The following PTPN9 variants were observed in gnomAD, a reference collection of about 807,000 sequenced individuals.
PTPN9 encodes the protein protein tyrosine phosphatase non-receptor type 9.
A neutral mutation model predicts 69.8 loss-of-function variants in PTPN9; 26 were observed. The ratio of observed to expected loss-of-function variants is 0.37; its 90% confidence interval spans 0.27 to 0.52. The LOEUF is 0.52. Ranked by LOEUF, PTPN9 falls within the 20% of genes least tolerant of loss-of-function variation. PTPN9 has a pLI of 0.91. For missense variants in PTPN9, 549 were observed against 740.3 expected, an observed-to-expected ratio of 0.74 and a Z score of 3.00; for synonymous variants, 274 against 272.5, an observed-to-expected ratio of 1.01 and a Z score of -0.05.
chr15:75,578,820 G>T lies in PTPN9; in HGVS notation c.-44C>A. ...GGGCGGACAAAACTCGCTCGCGAGC[G>T]CGGGAGCCCGGCGCGCTCGGCCTCC... is the stretch of plus-strand genomic sequence containing the variant. On this transcript the variant is annotated 5_prime_UTR_variant, in exon 1 of 13. Coordinates refer to ENST00000618819, the MANE Select transcript of PTPN9 (RefSeq NM_002833.4). 8.4e-7 allele frequency: 1 copy of T among 1,184,670 alleles called. No homozygotes were observed. Among genetic ancestry groups the T allele is most frequent in the Non-Finnish European group, 1.0e-6 (1 of 953,692 alleles). 73.4% of individuals were successfully genotyped at this position (1,184,670 alleles called of 1,614,324 possible).
At chr15:75,550,260 G>T (rs1487359362) in intron 1 of PTPN9, among the ~76,000 whole-genome samples, 1 of 148,394 alleles carries the variant, frequency 6.7e-6, no homozygotes, top group African/African-American at 2.5e-5. Flanking sequence ...CCACCTCCCG[G>T]ATTCAAGCGA....
At chr15:75,486,849 A>T (rs564737104) in intron 8 of PTPN9, among the ~76,000 whole-genome samples, 1 of 137,266 alleles carries the variant, frequency 7.3e-6, no homozygotes, top group Admixed American at 8.3e-5. Context: ...CACTGGTGCG[A>T]TCTCGGCTTA....
chr15:75,544,901 C>G (rs1387370091), intron 1 of PTPN9, among the ~76,000 whole-genome samples: 3 of 152,070 alleles, frequency 2.0e-5, no homozygotes, highest in Admixed American at 2.0e-4. Flanking sequence ...AGTTGGCTTT[C>G]CAGATCATGC....
At chr15:75,566,605 G>C (rs1292272977) in intron 1 of PTPN9, among the ~76,000 whole-genome samples, 1 of 152,048 alleles carries the variant, frequency 6.6e-6, no homozygotes, top group African/African-American at 2.4e-5. Context: ...CTTGAAGCCA[G>C]GAGGCGGAGG....
In PTPN9 at chr15:75,578,732, C is replaced by G; in HGVS notation, c.45G>C (p.Leu15=). The change falls in exon 1 of 13, where the codon CTG becomes CTC. Residue 15 remains leucine (L), a synonymous_variant. Coordinates refer to ENST00000618819, the MANE Select transcript of PTPN9 (RefSeq NM_002833.4). ...CGCTTACCTGCTCCTCCTCCGGGGT[C>G]AGCTCCGGCGCCATGTCGGGCCGGG... ...TAPRPDMAPE[L]TPEEEQATKQ... 7.4e-7 allele frequency: 1 copy of G among 1,360,486 alleles called. No homozygotes were observed. Among genetic ancestry groups the G allele is most frequent in the Non-Finnish European group, 9.5e-7 (1 of 1,054,212 alleles). The allele number at this position is 1,360,486 out of a possible 1,614,324, so 84.3% of individuals were successfully genotyped here. A position where few individuals can be genotyped will look rare whatever the true frequency, so the allele number is the denominator to read the frequency against.
chr15:75,536,258 AGTT>A (rs1214684269), intron 1 of PTPN9, among the ~76,000 whole-genome samples: 7 of 152,202 alleles, frequency 4.6e-5, no homozygotes, highest in South Asian at 2.1e-4. Context: ...TCAGTACAGT[AGTT>A]GTTGAGAAGA....
Position 75,548,635 on chromosome 15 carries a change from T to G in PTPN9, c.64-21374A>C, listed in dbSNP as rs190878516. ...TTTAATTTTTGTTTTTGTTTTTTCC[T>G]TTAGAGACAAGGGGAAATTTTTTTT... On this transcript the variant is annotated intron_variant, in intron 1 of 12. Coordinates refer to ENST00000618819, the MANE Select transcript of PTPN9 (RefSeq NM_002833.4). Among the ~76,000 whole-genome samples, 15 of 151,532 alleles carry G rather than the reference T, an allele frequency of 9.9e-5. No individual in the cohort carries two copies. The East Asian group carries it at 2.9e-3, about 29-fold the overall frequency.
chr15:75,505,722 A>G lies in PTPN9; in HGVS notation c.921T>C (p.Tyr307=), dbSNP rs937767972. The change falls in exon 7 of 13, where the codon TAT becomes TAC. Residue 307 remains tyrosine (Y), a synonymous_variant. Transcript: ENST00000618819. ...ARQKQGIYEE[Y]EDIRRENPVG... is the part of the protein sequence containing the mutation. Reference sequence around the variant, plus strand: ...CAGGGTTCTCACGACGAATGTCTTCATATTCCTCATAGATTCCTTGCTTTT... The same window carrying G: ...CAGGGTTCTCACGACGAATGTCTTCGTATTCCTCATAGATTCCTTGCTTTT... The G allele has an allele frequency of 6.2e-7, 1 of 1,613,980 alleles. No individual in the cohort carries two copies. The highest frequency in any genetic ancestry group is 1.3e-5 in the African/African-American group (1 of 74,922).
At chr15:75,578,329 C>T (rs1159114560) in intron 1 of PTPN9, among the ~76,000 whole-genome samples, 2 of 152,210 alleles carry the variant, frequency 1.3e-5, no homozygotes, top group East Asian at 3.9e-4. Flanking sequence ...TCCTGCCCTT[C>T]AAAAGCCACA....
At chr15:75,470,896 C>T (rs2074560518) in intron 10 of PTPN9, 66 bp from the exon 11 acceptor site, 2 of 1,567,522 alleles carry the variant, frequency 1.3e-6, no homozygotes, top group Non-Finnish European at 1.7e-6. Flanking sequence ...CTGGCTTCCC[C>T]AAAGACCTGA....
At chr15:75,512,848 T>G (rs577118409) in intron 5 of PTPN9, 29 of 279,656 alleles carry the variant, frequency 1.0e-4, no homozygotes, top group Admixed American at 3.7e-4. Context: ...TAAAACTTCA[T>G]CCAGATGTCC....
At position 75,530,666 on chromosome 15, in the gene PTPN9, ACT is replaced by A. The variant is rs1462288652; in HGVS notation, c.64-3407_64-3406del. ...TATAATATATATTATTATATAATAT[ACT>A]ATTATATATATTATTATATTATAAT... On this transcript the variant is annotated intron_variant, in intron 1 of 12. Transcript: ENST00000618819. 5.5e-3 allele frequency among the ~76,000 whole-genome samples: 284 copies of A among 51,442 alleles called. 51 individuals carry two copies. Among genetic ancestry groups the A allele is most frequent in the African/African-American group, 0.03 (278 of 9,254 alleles). 33.7% of individuals were successfully genotyped at this position (51,442 alleles called of 152,430 possible).
intron 1 of PTPN9, among the ~76,000 whole-genome samples, chr15:75,555,199 A>C (rs1449669577): frequency 2.6e-5 from 4 of 152,186 alleles, no homozygotes; most frequent in Non-Finnish European, 4.4e-5. Flanking sequence ...TCCAGAACCA[A>C]ATGATTCCTG....
intron 7 of PTPN9, among the ~76,000 whole-genome samples, chr15:75,493,024 A>G (rs1172821142): frequency 6.6e-6 from 1 of 152,046 alleles, no homozygotes; most frequent in Non-Finnish European, 1.5e-5. Flanking sequence ...GCATGGAGGT[A>G]CAAACCTGTA....
chr15:75,521,070 C>T lies in PTPN9; in HGVS notation c.422+2051G>A, dbSNP rs1290718524. On this transcript the variant is annotated intron_variant, in intron 4 of 12. Transcript: ENST00000618819. ...CTTGCTATGTTGCCCAGGCTGGTCT[C>T]GAACTTCTGGGCTCAAGCGATCCTC... is the stretch of plus-strand genomic sequence containing the variant. Among the ~76,000 whole-genome samples the T allele has an allele frequency of 3.9e-5, 6 of 152,224 alleles. No homozygotes were observed. In the South Asian group the frequency reaches 8.3e-4, roughly 21 times the overall value.
At chr15:75,514,237 G>C (rs1276695676) in intron 5 of PTPN9, among the ~76,000 whole-genome samples, 3 of 151,160 alleles carry the variant, frequency 2.0e-5, no homozygotes, top group Non-Finnish European at 2.9e-5. Flanking sequence ...GTGTTGCATG[G>C]TAACCACACC....
At chr15:75,477,068 C>T (rs2074600378) in intron 9 of PTPN9, among the ~76,000 whole-genome samples, 1 of 152,196 alleles carries the variant, frequency 6.6e-6, no homozygotes, top group Non-Finnish European at 1.5e-5. Context: ...TTTATACTGA[C>T]ATAGGTGAAA....
intron 10 of PTPN9, 88 bp from the exon 11 acceptor site, chr15:75,470,918 G>A (rs750921267): frequency 1.4e-5 from 20 of 1,476,672 alleles, no homozygotes; most frequent in Non-Finnish European, 1.7e-5. Flanking sequence ...ATACCCCCAG[G>A]CAGCAATATC....
chr15:75,565,109 TATAATAATAATA>T (rs200204488), intron 1 of PTPN9, among the ~76,000 whole-genome samples: 413 of 141,792 alleles, frequency 2.9e-3, no homozygotes, highest in African/African-American at 8.3e-3. Flanking sequence ...TCAAAAAATA[TATAATAATAATA>T]ATAATAATAA....
Sources: gnomAD v4.1 joint callset for allele counts (sites outside exome capture counted in the v4.1 genomes callset) on GRCh38, gnomAD v4.1.1 for gene constraint, MANE v1.5 for transcripts, NCBI Gene and HGNC (gene_info 2026-07-23, HGNC 2026-07-21) for gene names.